The following BTC variants were observed in gnomAD, a reference collection of about 807,000 sequenced individuals.
The protein encoded by BTC is probetacellulin.
BTC carries 13 observed loss-of-function variants against 18.1 expected under a neutral mutation model. The observed-to-expected ratio is 0.72, with a 90% CI of 0.47 to 1.14. The LOEUF is 1.14. Among genes scored for constraint, BTC ranks in the 50% most tolerant of loss-of-function variants. BTC has a pLI of 0.00. For synonymous variants in BTC, 83 were observed against 79.4 expected (o/e 1.05, Z -0.24); for missense variants, 247 against 224.2 (o/e 1.10, Z -0.65).
intron 4 of BTC, among the ~76,000 whole-genome samples, chr4:74,749,745 C>CAAAAA (rs71220725): frequency 1.3e-3 from 74 of 54,818 alleles, no homozygotes; most frequent in Non-Finnish European, 1.9e-3. Context: ...TCCTGCTCTG[C>CAAAAA]AAAAAAAAAA....
chr4:74,782,032 T>C (rs1725344993), intron 1 of BTC, among the ~76,000 whole-genome samples: 1 of 152,206 alleles, frequency 6.6e-6, no homozygotes, highest in Non-Finnish European at 1.5e-5. Flanking sequence ...TGAGGATTTA[T>C]TGCATGCCAG....
chr4:74,791,805 C>T (rs1725636209), intron 1 of BTC, among the ~76,000 whole-genome samples: 2 of 152,090 alleles, frequency 1.3e-5, no homozygotes, highest in Admixed American at 6.6e-5. Flanking sequence ...AAGAATGTGA[C>T]ATGGAAAGGG....
chr4:74,749,678 A>ATTTTTTTTT (rs1560708204), intron 4 of BTC, among the ~76,000 whole-genome samples: 6 of 90,582 alleles, frequency 6.6e-5, no homozygotes, highest in Non-Finnish European at 9.1e-5. Context: ...TTAATAAGAT[A>ATTTTTTTTT]GTTTTTTTTG....
intron 3 of BTC, among the ~76,000 whole-genome samples, chr4:74,754,038 A>G (rs1445730318): frequency 1.3e-5 from 2 of 152,222 alleles, no homozygotes; most frequent in African/African-American, 4.8e-5. Flanking sequence ...ACTGAGGCTC[A>G]GAAAAGGTAA....
chr4:74,751,826 A>G (rs559223146), intron 3 of BTC, among the ~76,000 whole-genome samples: 22 of 152,226 alleles, frequency 1.4e-4, no homozygotes, highest in Non-Finnish European at 3.1e-4. Context: ...CTTTATTAAT[A>G]TTAGGGAAAT....
intron 3 of BTC, among the ~76,000 whole-genome samples, chr4:74,751,227 G>C (rs551304931): frequency 6.6e-6 from 1 of 152,272 alleles, no homozygotes; most frequent in South Asian, 2.1e-4. Context: ...GTTAGATAGA[G>C]AGAATGTTCC....
chr4:74,763,170 C>A (rs1359966536), intron 2 of BTC, among the ~76,000 whole-genome samples: 1 of 152,072 alleles, frequency 6.6e-6, no homozygotes, highest in Non-Finnish European at 1.5e-5. Context: ...CGAAAAAATT[C>A]TATATCCTAT....
chr4:74,750,216 G>C (rs568879809), intron 4 of BTC, among the ~76,000 whole-genome samples: 29 of 152,202 alleles, frequency 1.9e-4, no homozygotes, highest in Admixed American at 1.4e-3. Flanking sequence ...GAAAAACAAA[G>C]TAACATGGTT....
chr4:74,767,178 A>T (rs1218924754), intron 2 of BTC, among the ~76,000 whole-genome samples: 1 of 141,622 alleles, frequency 7.1e-6, no homozygotes, highest in African/African-American at 2.9e-5. Flanking sequence ...AATTCTAAAG[A>T]CTACACACAC....
intron 1 of BTC, among the ~76,000 whole-genome samples, chr4:74,784,620 A>T (rs896039756): frequency 6.6e-6 from 1 of 152,150 alleles, no homozygotes; most frequent in Non-Finnish European, 1.5e-5. Context: ...GTTTATTGAG[A>T]GTTTTTAACA....
chr4:74,751,924 T>C (rs979015670), intron 3 of BTC, among the ~76,000 whole-genome samples: 2 of 152,214 alleles, frequency 1.3e-5, no homozygotes, highest in African/African-American at 2.4e-5. Flanking sequence ...ATATACATAA[T>C]TATTCAAAGG....
chr4:74,780,189 G>T (rs1725282115), intron 1 of BTC, among the ~76,000 whole-genome samples: 1 of 152,088 alleles, frequency 6.6e-6, no homozygotes, highest in South Asian at 2.1e-4. Flanking sequence ...ATGAAAAGAA[G>T]ACTCATTAAG....
intron 2 of BTC, among the ~76,000 whole-genome samples, chr4:74,759,541 C>T (rs542204627): frequency 1.1e-4 from 16 of 151,440 alleles, no homozygotes; most frequent in African/African-American, 2.7e-4. Context: ...CTCTATATTC[C>T]GAAGATGCTA....
chr4:74,783,298 A>C (rs1301122638), intron 1 of BTC, among the ~76,000 whole-genome samples: 4 of 152,170 alleles, frequency 2.6e-5, no homozygotes, highest in Non-Finnish European at 5.9e-5. Context: ...GAAGGGGTCC[A>C]GTTTCCATTT....
Position 74,794,506 on chromosome 4 carries a change from C to T in BTC, c.-181G>A. ...GCAGGGAAACACCCAGGGCGGGAGGCCGGCCGGCTCCGTGAATGTCGCCGG... is the reference window on the plus strand; with the variant it reads ...GCAGGGAAACACCCAGGGCGGGAGGTCGGCCGGCTCCGTGAATGTCGCCGG... On this transcript the variant is annotated 5_prime_UTR_variant, in exon 1 of 6. Coordinates refer to ENST00000395743, the MANE Select transcript of BTC (RefSeq NM_001729.4). The T allele has an allele frequency of 1.5e-6, 1 of 658,394 alleles. No individual in the cohort carries two copies. The highest frequency in any genetic ancestry group is 2.5e-6 in the Non-Finnish European group (1 of 401,096). 40.8% of individuals were successfully genotyped at this position (658,394 alleles called of 1,614,324 possible).
rs1724261938 is a variant in BTC, at chr4:74,745,344, C to T, written c.*1333G>A. 3 of 152,214 alleles carry T rather than the reference C, an allele frequency of 2.0e-5. No individual in the cohort carries two copies. The highest frequency in any genetic ancestry group is 2.9e-5 in the Non-Finnish European group (2 of 68,030). 9.4% of individuals were successfully genotyped at this position (152,214 alleles called of 1,614,324 possible). A position where few individuals can be genotyped will look rare whatever the true frequency, so the allele number is the denominator to read the frequency against. On this transcript the variant is annotated 3_prime_UTR_variant, in exon 6 of 6. Transcript: ENST00000395743. ...TTTCAGCATTTGTCTGAATTCTCCA[C>T]TTCACTATGGAATCTACATTGCAAA...
chr4:74,774,327 T>C (rs28575371), intron 1 of BTC, among the ~76,000 whole-genome samples: 1 of 151,558 alleles, frequency 6.6e-6, no homozygotes, highest in Non-Finnish European at 1.5e-5. Flanking sequence ...TATGAGAGAA[T>C]ATAAGGTCAG....
intron 2 of BTC, 102 bp downstream of exon 2, chr4:74,769,956 T>C (rs968671618): frequency 6.3e-6 from 6 of 956,318 alleles, no homozygotes; most frequent in Non-Finnish European, 9.6e-6. Context: ...GCACAGTGAC[T>C]GGTACCTTAA....
chr4:74,782,115 T>C lies in BTC; in HGVS notation c.65-11959A>G, dbSNP rs1162652918. On this transcript the variant is annotated intron_variant, in intron 1 of 5. Transcript: ENST00000395743. Reference sequence around the variant, plus strand: ...TATTTCCAGCCCTATTTTCTTTTTTTTTCATTTTAAGTTCAGGGGTACATG... The same window carrying C: ...TATTTCCAGCCCTATTTTCTTTTTTCTTCATTTTAAGTTCAGGGGTACATG... Among the ~76,000 whole-genome samples, 4 of 152,200 alleles carry C rather than the reference T, an allele frequency of 2.6e-5. No homozygotes were observed. In the South Asian group the frequency reaches 6.2e-4, roughly 24 times the overall value.
Sources: gnomAD v4.1 joint callset for allele counts (sites outside exome capture counted in the v4.1 genomes callset) on GRCh38, gnomAD v4.1.1 for gene constraint, MANE v1.5 for transcripts, NCBI Gene and HGNC (gene_info 2026-07-23, HGNC 2026-07-21) for gene names.